RAVER2: variants seen among roughly 807,000 people sequenced by gnomAD.
The protein encoded by RAVER2 is ribonucleoprotein, PTB binding 2, also known as ribonucleoprotein PTB-binding 2.
RAVER2 carries 46 observed loss-of-function variants against 78.1 expected under a neutral mutation model. The observed-to-expected ratio is 0.59, with a 90% CI of 0.46 to 0.75. RAVER2 has a LOEUF of 0.75. RAVER2 is among the 30% of genes least tolerant of loss of function. The probability of loss-of-function intolerance (pLI) is 0.00; values close to 1 mark genes in which losing one functional copy is unlikely to be tolerated. For synonymous variants in RAVER2, 311 were observed against 313.3 expected, an observed-to-expected ratio of 0.99 and a Z score of 0.08; for missense variants, 793 against 837.5, an observed-to-expected ratio of 0.95 and a Z score of 0.66.
chr1:64,790,232 A>C (rs1036956895), intron 5 of RAVER2, among the ~76,000 whole-genome samples: 1 of 151,520 alleles, frequency 6.6e-6, no homozygotes, highest in African/African-American at 2.4e-5. Flanking sequence ...AATTCCAAAA[A>C]TAAACTACTT....
chr1:64,782,180 AG>A (rs776040574), intron 4 of RAVER2, among the ~76,000 whole-genome samples: 9 of 152,220 alleles, frequency 5.9e-5, no homozygotes, highest in Non-Finnish European at 8.8e-5. Flanking sequence ...CTGTGATTAC[AG>A]GCGTGAGCCA....
chr1:64,812,206 A>T (rs1379115498), intron 9 of RAVER2, among the ~76,000 whole-genome samples: 1 of 151,806 alleles, frequency 6.6e-6, no homozygotes, highest in Non-Finnish European at 1.5e-5. Flanking sequence ...CTAAAAATAT[A>T]AAAAAATTAG....
intron 11 of RAVER2, among the ~76,000 whole-genome samples, chr1:64,823,440 A>T (rs1435052364): frequency 6.6e-6 from 1 of 152,228 alleles, no homozygotes; most frequent in Non-Finnish European, 1.5e-5. Context: ...TAAATTATTT[A>T]AAAATTTGTA....
At chr1:64,771,011 C>G (rs1652301472) in intron 2 of RAVER2, among the ~76,000 whole-genome samples, 1 of 151,908 alleles carries the variant, frequency 6.6e-6, no homozygotes, top group African/African-American at 2.4e-5. Flanking sequence ...GAATTAGTAG[C>G]TGAAAAGTTT....
At chr1:64,788,812 A>G (rs1226174611) in intron 4 of RAVER2, among the ~76,000 whole-genome samples, 1 of 151,292 alleles carries the variant, frequency 6.6e-6, no homozygotes. Context: ...AAAAAAGAAG[A>G]TTTTGAATTG....
intron 1 of RAVER2, among the ~76,000 whole-genome samples, chr1:64,765,778 C>G (rs1652159425): frequency 6.6e-6 from 1 of 152,194 alleles, no homozygotes; most frequent in South Asian, 2.1e-4. Flanking sequence ...TATCAAGTTA[C>G]ATAAAATTTT....
chr1:64,747,501 C>T (rs1403885110), intron 1 of RAVER2, among the ~76,000 whole-genome samples: 2 of 151,294 alleles, frequency 1.3e-5, no homozygotes, highest in Admixed American at 6.6e-5. Flanking sequence ...TTTATTCATT[C>T]ATTTCTTTCT....
chr1:64,778,002 C>T, exon 3 of RAVER2: 1 of 1,614,004 alleles, frequency 6.2e-7, no homozygotes, highest in Admixed American at 1.7e-5. Context: ...ATTCTAAGTG[C>T]CTTTGTATTG....
Position 64,808,074 on chromosome 1 carries a change from A to G in RAVER2, c.1680+600A>G, listed in dbSNP as rs79942791. On this transcript the variant is annotated intron_variant, in intron 9 of 11. Coordinates refer to ENST00000294428, the Ensembl canonical transcript of RAVER2. ...ATTTTAATATTTAAAGGCAGAACCA[A>G]TTTTATCCGGAAAATATCAAAACCA... Among the ~76,000 whole-genome samples, 670 of 152,254 alleles carry G rather than the reference A, an allele frequency of 4.4e-3. 10 individuals are homozygous for G. Among genetic ancestry groups the G allele is most frequent in the African/African-American group, 0.015 (642 of 41,554 alleles).
chr1:64,801,342 G>A (rs556276903), intron 5 of RAVER2, among the ~76,000 whole-genome samples: 169 of 151,134 alleles, frequency 1.1e-3, no homozygotes, highest in Non-Finnish European at 1.9e-3. Flanking sequence ...CAAACAATCC[G>A]CCCACCTTGG....
At chr1:64,758,617 C>G (rs1486735805) in intron 1 of RAVER2, among the ~76,000 whole-genome samples, 2 of 152,132 alleles carry the variant, frequency 1.3e-5, no homozygotes, top group Non-Finnish European at 2.9e-5. Context: ...ATAGGGACTT[C>G]AGTCCTAATA....
chr1:64,768,721 A>G (rs1652239367), exon 2 of RAVER2: 1 of 1,515,814 alleles, frequency 6.6e-7, no homozygotes, highest in Non-Finnish European at 9.1e-7. Flanking sequence ...ATAAACGAAC[A>G]GGTAAGATTT....
At chr1:64,786,171 A>G (rs80274672) in intron 4 of RAVER2, among the ~76,000 whole-genome samples, 11 of 152,118 alleles carry the variant, frequency 7.2e-5, no homozygotes, top group Admixed American at 2.6e-4. Context: ...TCCTTTAGAG[A>G]TATGTTCTTT....
chr1:64,762,019 G>A (rs1480638060), intron 1 of RAVER2, among the ~76,000 whole-genome samples: 1 of 152,120 alleles, frequency 6.6e-6, no homozygotes, highest in African/African-American at 2.4e-5. Context: ...GGAGGCTGAG[G>A]TGGGAAGATC....
chr1:64,751,543 T>C (rs1038654014), intron 1 of RAVER2, among the ~76,000 whole-genome samples: 6 of 152,204 alleles, frequency 3.9e-5, no homozygotes, highest in African/African-American at 1.4e-4. Flanking sequence ...ATTCTTCTAT[T>C]TGCACTTATT....
At chr1:64,749,837 G>T (rs7527854) in intron 1 of RAVER2, among the ~76,000 whole-genome samples, 1 of 151,920 alleles carries the variant, frequency 6.6e-6, no homozygotes, top group African/African-American at 2.4e-5. Context: ...ATTGTATTAC[G>T]GTTAACCTGG....
At chr1:64,766,526 T>A (rs756199211) in intron 1 of RAVER2, among the ~76,000 whole-genome samples, 8 of 152,196 alleles carry the variant, frequency 5.3e-5, no homozygotes, top group Non-Finnish European at 7.4e-5. Context: ...GTATCCCACA[T>A]CTGATACATA....
chr1:64,811,869 C>T (rs1176431522), intron 9 of RAVER2, among the ~76,000 whole-genome samples: 1 of 151,982 alleles, frequency 6.6e-6, no homozygotes, highest in Non-Finnish European at 1.5e-5. Flanking sequence ...AATCCTTACA[C>T]CTAACTAATA....
rs1651517726 is a variant in RAVER2 at position 64,745,846 on chromosome 1, TC to T, written c.249+429del. On this transcript the variant is annotated intron_variant, in intron 1 of 11. Coordinates refer to ENST00000294428, the Ensembl canonical transcript of RAVER2. This position sits in a 1 kb window ranked among gnomAD's most constrained non-coding sequence, Gnocchi z 4.3. ...CAGGGGCGAGGGCTCCAACGTATAG[TC>T]CCCGGTGCTCGGGAGTGCCATAGGG... Among the ~76,000 whole-genome samples, 1 of 151,684 alleles carries T rather than the reference TC, an allele frequency of 6.6e-6. No homozygotes were observed. Among genetic ancestry groups the T allele is most frequent in the Non-Finnish European group, 1.5e-5 (1 of 67,924 alleles).
Sources: allele counts gnomAD v4.1 joint callset (sites outside exome capture counted in the v4.1 genomes callset), GRCh38; gene constraint gnomAD v4.1.1; non-coding constraint Gnocchi (gnomAD v3.1); transcripts MANE v1.5; gene names NCBI Gene and HGNC (gene_info 2026-07-23, HGNC 2026-07-21).